The following AKAP19 variants were observed in gnomAD, a reference collection of about 807,000 sequenced individuals.
AKAP19 encodes small A-kinase anchoring protein.
chr2:190,199,538 GTGAT>G, the AKAP19 span, among the ~76,000 whole-genome samples: 2 of 152,122 alleles, frequency 1.3e-5, no homozygotes, highest in Non-Finnish European at 2.9e-5. Context: ...TTTTTATTGA[GTGAT>G]TATCTTTTTC....
chr2:190,166,317 C>CTTTTTTTTTTTTTTTTTTTT, the AKAP19 span, among the ~76,000 whole-genome samples: 2 of 65,298 alleles, frequency 3.1e-5, no homozygotes, highest in African/African-American at 1.3e-4. Flanking sequence ...AAAATCCACT[C>CTTTTTTTTTTTTTTTTTTTT]TTTTTTTTTT....
the AKAP19 span, among the ~76,000 whole-genome samples, chr2:190,005,971 T>TTTCTTTACA: frequency 6.6e-6 from 1 of 152,226 alleles, no homozygotes; most frequent in Non-Finnish European, 1.5e-5. Context: ...TCAGACTATT[T>TTTCTTTACA]TTCTTTACAA....
At chr2:189,899,567 A>T in the AKAP19 span, among the ~76,000 whole-genome samples, 1 of 147,212 alleles carries the variant, frequency 6.8e-6, no homozygotes, top group Non-Finnish European at 1.5e-5. Context: ...TTGTCAATGG[A>T]TTCAAACTTG....
At chr2:190,137,364 T>C in the AKAP19 span, among the ~76,000 whole-genome samples, 1 of 152,238 alleles carries the variant, frequency 6.6e-6, no homozygotes, top group South Asian at 2.1e-4. Context: ...GTTTGCAGTA[T>C]TGGCTTTTTG....
chr2:189,974,993 A>G, the AKAP19 span, among the ~76,000 whole-genome samples: 14 of 152,238 alleles, frequency 9.2e-5, no homozygotes, highest in African/African-American at 3.1e-4. Flanking sequence ...TAAAGTTAAT[A>G]TTGTTGTGTG....
chr2:190,121,937 G>A, the AKAP19 span, among the ~76,000 whole-genome samples: 2 of 152,106 alleles, frequency 1.3e-5, no homozygotes, highest in East Asian at 3.8e-4. Flanking sequence ...GTGTTTTGCT[G>A]ATGAATGAGA....
At chr2:190,140,880 A>G in the AKAP19 span, among the ~76,000 whole-genome samples, 2 of 152,162 alleles carry the variant, frequency 1.3e-5, no homozygotes, top group East Asian at 3.8e-4. Flanking sequence ...TCAGGCTGCA[A>G]ATTTTCCAAA....
At chr2:189,928,395 G>A in the AKAP19 span, among the ~76,000 whole-genome samples, 7 of 151,474 alleles carry the variant, frequency 4.6e-5, no homozygotes, top group Non-Finnish European at 7.4e-5. Flanking sequence ...TTTAACAATT[G>A]AGAAAAAAGT....
the AKAP19 span, among the ~76,000 whole-genome samples, chr2:190,118,507 AG>A: frequency 6.6e-6 from 1 of 152,224 alleles, no homozygotes; most frequent in Non-Finnish European, 1.5e-5. Context: ...CACATCAAAA[AG>A]CTTATCCACC....
At chr2:190,063,334 T>C in the AKAP19 span, among the ~76,000 whole-genome samples, 1 of 152,136 alleles carries the variant, frequency 6.6e-6, no homozygotes, top group Non-Finnish European at 1.5e-5. Flanking sequence ...ATATTGTGCA[T>C]GGAATTATTT....
the AKAP19 span, among the ~76,000 whole-genome samples, chr2:190,171,479 G>A: frequency 7.3e-6 from 1 of 136,078 alleles, no homozygotes; most frequent in South Asian, 2.3e-4. Flanking sequence ...AATCTGCATT[G>A]TAAAGTTTTT....
chr2:190,023,812 TATATATAC>T, the AKAP19 span, among the ~76,000 whole-genome samples: 1 of 148,746 alleles, frequency 6.7e-6, no homozygotes, highest in Non-Finnish European at 1.5e-5. Flanking sequence ...TATATATATA[TATATATAC>T]ATATATATAC....
At chr2:190,071,312 G>T in the AKAP19 span, among the ~76,000 whole-genome samples, 4 of 152,066 alleles carry the variant, frequency 2.6e-5, no homozygotes, top group African/African-American at 9.7e-5. Flanking sequence ...AATTTAGCTT[G>T]TTGTAGTGCC....
chr2:189,961,086 CA>C, the AKAP19 span, among the ~76,000 whole-genome samples: 1 of 152,166 alleles, frequency 6.6e-6, no homozygotes, highest in Non-Finnish European at 1.5e-5. Context: ...CATTAGGTTT[CA>C]GGGGCAGTAT....
At chr2:190,117,669 C>T in the AKAP19 span, among the ~76,000 whole-genome samples, 1 of 152,208 alleles carries the variant, frequency 6.6e-6, no homozygotes, top group Middle Eastern at 3.2e-3. Flanking sequence ...AAAGTTCTAT[C>T]CAATATTTTA....
At chr2:189,955,276 T>C in the AKAP19 span, among the ~76,000 whole-genome samples, 4 of 152,306 alleles carry the variant, frequency 2.6e-5, no homozygotes, top group East Asian at 7.7e-4. Context: ...GTTCTTTCTT[T>C]CTTGTTTCGT....
the AKAP19 span, among the ~76,000 whole-genome samples, chr2:189,910,024 G>A: frequency 3.3e-5 from 5 of 151,898 alleles, no homozygotes; most frequent in Non-Finnish European, 5.9e-5. Context: ...GGCTTCCTAT[G>A]TATAAGGTCT....
the AKAP19 span, among the ~76,000 whole-genome samples, chr2:189,956,331 G>A: frequency 6.0e-5 from 9 of 149,386 alleles, no homozygotes; most frequent in South Asian, 1.3e-3. Context: ...CACTACGCCC[G>A]GCTAATTTTT....
At chr2:190,044,188 G>T in the AKAP19 span, among the ~76,000 whole-genome samples, 4 of 152,166 alleles carry the variant, frequency 2.6e-5, no homozygotes, top group African/African-American at 7.2e-5. Context: ...GTTCTGGGGT[G>T]ATCTCAGTGT....
Sources: allele counts gnomAD v4.1 joint callset (sites outside exome capture counted in the v4.1 genomes callset), GRCh38; gene constraint gnomAD v4.1.1; transcripts MANE v1.5; gene names NCBI Gene and HGNC (gene_info 2026-07-23, HGNC 2026-07-21).